Variants in MORC3 observed in about 807,000 individuals in gnomAD.
MORC3 encodes the protein MORC family CW-type zinc finger 3.
A neutral mutation model predicts 109.1 loss-of-function variants in MORC3; 31 were observed. The observed-to-expected ratio is 0.28, with a 90% CI of 0.21 to 0.38. MORC3 has a LOEUF of 0.38. Ranked by LOEUF, MORC3 falls within the 10% of genes least tolerant of loss-of-function variation. MORC3 has a pLI of 1.00. For synonymous variants in MORC3, 395 were observed against 380.7 expected (o/e 1.04, Z -0.44); for missense variants, 867 against 1,135.8 (o/e 0.76, Z 3.40).
intron 1 of MORC3, among the ~76,000 whole-genome samples, chr21:36,332,953 A>T (rs187504721): frequency 2.2e-4 from 34 of 151,990 alleles, no homozygotes; most frequent in African/African-American, 8.2e-4. Context: ...ACGCCCAGGT[A>T]CTTTTTTTGT....
chr21:36,325,337 G>A (rs1291492396), intron 1 of MORC3, among the ~76,000 whole-genome samples: 2 of 152,206 alleles, frequency 1.3e-5, no homozygotes, highest in Non-Finnish European at 2.9e-5. Context: ...TTCTACGTCT[G>A]GTCTCCTGCC....
chr21:36,363,798 A>G (rs1021755702), intron 13 of MORC3, among the ~76,000 whole-genome samples: 1 of 152,212 alleles, frequency 6.6e-6, no homozygotes, highest in African/African-American at 2.4e-5. Flanking sequence ...AGGTCACCAC[A>G]TGGTAAATCT....
chr21:36,348,537 A>G lies in MORC3; in HGVS notation c.1006-774A>G, dbSNP rs2085537388. Among the ~76,000 whole-genome samples, 10 of 152,198 alleles carry G rather than the reference A, an allele frequency of 6.6e-5. No individual in the cohort carries two copies. In the South Asian group the frequency reaches 2.1e-3, roughly 31 times the overall value. On this transcript the variant is annotated intron_variant, in intron 8 of 16. Coordinates refer to ENST00000400485, the MANE Select transcript of MORC3 (RefSeq NM_015358.3). The stretch of plus-strand genomic sequence containing the variant: ...ATTCTCCTGCCTCAGCCTCCTGAGT[A>G]GCTGGGATTACAGGTGCATGCCACC...
intron 15 of MORC3, among the ~76,000 whole-genome samples, chr21:36,371,220 G>A (rs2085863120): frequency 6.6e-6 from 1 of 152,096 alleles, no homozygotes; most frequent in African/African-American, 2.4e-5. Flanking sequence ...AAGAGTTTGG[G>A]AACCATGGTG....
intron 5 of MORC3, among the ~76,000 whole-genome samples, chr21:36,341,054 A>T (rs993575783): frequency 1.3e-5 from 2 of 152,230 alleles, no homozygotes; most frequent in Non-Finnish European, 2.9e-5. Context: ...AGCTGTAAAC[A>T]TTTGTGTACA....
intron 9 of MORC3, among the ~76,000 whole-genome samples, chr21:36,354,569 C>T (rs1366258132): frequency 6.6e-6 from 1 of 152,144 alleles, no homozygotes; most frequent in Non-Finnish European, 1.5e-5. Context: ...TTCCAAAGTG[C>T]TGGGATTACA....
intron 2 of MORC3, among the ~76,000 whole-genome samples, chr21:36,334,170 A>T (rs1450889540): frequency 6.6e-6 from 1 of 152,064 alleles, no homozygotes; most frequent in Non-Finnish European, 1.5e-5. Context: ...TGGGAGGATC[A>T]CGTGAGACCG....
At chr21:36,355,767 G>T (rs1461618392) in intron 9 of MORC3, among the ~76,000 whole-genome samples, 1 of 150,180 alleles carries the variant, frequency 6.7e-6, no homozygotes, top group Non-Finnish European at 1.5e-5. Flanking sequence ...GGGCAAAAAA[G>T]CAATACCCTG....
intron 2 of MORC3, among the ~76,000 whole-genome samples, chr21:36,335,481 A>T (rs1468902164): frequency 6.6e-6 from 1 of 151,760 alleles, no homozygotes; most frequent in Non-Finnish European, 1.5e-5. Context: ...GCTCCTGGCT[A>T]ATTTTTGTAT....
intron 1 of MORC3, among the ~76,000 whole-genome samples, chr21:36,321,428 G>C (rs1408238108): frequency 6.6e-6 from 1 of 151,856 alleles, no homozygotes; most frequent in Non-Finnish European, 1.5e-5. Context: ...GATCTTTATT[G>C]ATTTGTAAGA....
At chr21:36,373,185 C>T (rs919671947) in intron 16 of MORC3, among the ~76,000 whole-genome samples, 1 of 151,260 alleles carries the variant, frequency 6.6e-6, no homozygotes, top group Non-Finnish European at 1.5e-5. Flanking sequence ...ACTAAAAGTA[C>T]AAAAATTAGC....
At chr21:36,332,384 C>T (rs572383951) in intron 1 of MORC3, among the ~76,000 whole-genome samples, 4 of 152,142 alleles carry the variant, frequency 2.6e-5, no homozygotes, top group East Asian at 3.9e-4. Flanking sequence ...TGCAGTCAGC[C>T]GAAATTGTGC....
chr21:36,349,403 G>A lies in MORC3; in HGVS notation c.1098G>A (p.Glu366=). ...AACAAGATTTCGACTATACTAATGA[G>A]TACAGGTATGTTACCTATTTAAATT... ...HNKQDFDYTN[E]YRLTITALGE... The change falls in exon 9 of 17, where the codon GAG becomes GAA. Residue 366 remains glutamate, a synonymous_variant. Transcript: ENST00000400485. 6.4e-7 allele frequency: 1 copy of A among 1,567,226 alleles called. No individual in the cohort carries two copies. Among genetic ancestry groups the A allele is most frequent in the Non-Finnish European group, 8.7e-7 (1 of 1,155,518 alleles).
intron 6 of MORC3, 61 bp from the exon 7 acceptor site, chr21:36,344,518 C>T: frequency 3.2e-6 from 5 of 1,539,090 alleles, no homozygotes; most frequent in Admixed American, 1.9e-5. Flanking sequence ...TGTGTAAATC[C>T]ATGTCTAAGT....
intron 12 of MORC3, 44 bp downstream of exon 12, chr21:36,360,302 A>T (rs1486648969): frequency 6.6e-7 from 1 of 1,523,470 alleles, no homozygotes; most frequent in South Asian, 1.1e-5. Context: ...TGCCCAGATC[A>T]TGAACAGTGA....
rs1268033001 is a variant in MORC3 at position 36,373,233 on chromosome 21, G to A, written c.2666+702G>A. 3.9e-5 allele frequency among the ~76,000 whole-genome samples: 6 copies of A among 152,046 alleles called. No homozygotes were observed. The East Asian group carries it at 1.2e-3, about 29-fold the overall frequency. ...CAGGCGCCTGTAGTCCCAGCTACTC[G>A]GGAGGCTCAGGCAGGAGAATCGCTT... On this transcript the variant is annotated intron_variant, in intron 16 of 16. Coordinates refer to ENST00000400485, the MANE Select transcript of MORC3 (RefSeq NM_015358.3).
chr21:36,335,136 AAAAG>A (rs1444594763), intron 2 of MORC3, among the ~76,000 whole-genome samples: 3 of 152,170 alleles, frequency 2.0e-5, no homozygotes, highest in African/African-American at 7.2e-5. Context: ...AAGGAAAAGA[AAAAG>A]AAAAGAAAAA....
chr21:36,369,057 T>A lies in MORC3; in HGVS notation c.1689T>A (p.Phe563Leu). 1 of 1,614,076 alleles carries A rather than the reference T, an allele frequency of 6.2e-7. No individual in the cohort carries two copies. Among genetic ancestry groups the A allele is most frequent in the Non-Finnish European group, 8.5e-7 (1 of 1,179,976 alleles). Residue 563 changes from phenylalanine (F) to leucine (L), a missense_variant, in exon 15 of 17, where the codon TTT (phenylalanine) becomes TTA (leucine). Transcript: ENST00000400485. ...AGAATCGGAGATTGAGTAGTCAGTT[T>A]GAAAATTCAGTTTATAAAGGTGATG... ...NAKNRRLSSQ[F>L]ENSVYKGDDD...
At chr21:36,342,875 T>C (rs1275348801) in intron 6 of MORC3, among the ~76,000 whole-genome samples, 1 of 151,392 alleles carries the variant, frequency 6.6e-6, no homozygotes, top group African/African-American at 2.4e-5. Flanking sequence ...AAAAATTAGC[T>C]GGGCACGGTT....
Sources: gnomAD v4.1 joint callset for allele counts (sites outside exome capture counted in the v4.1 genomes callset) on GRCh38, gnomAD v4.1.1 for gene constraint, MANE v1.5 for transcripts, NCBI Gene and HGNC (gene_info 2026-07-23, HGNC 2026-07-21) for gene names.